Variants in GLB1L2 observed in about 807,000 individuals in gnomAD.
The protein encoded by GLB1L2 is galactosidase beta 1 like 2.
GLB1L2 carries 68 observed loss-of-function variants against 84.1 expected under a neutral mutation model. That is an observed-to-expected ratio of 0.81 (90% CI 0.67 to 0.99). The LOEUF (loss-of-function observed/expected upper bound fraction) is 0.99, where lower values mean the gene tolerates loss of function less well. Ranked by LOEUF, GLB1L2 falls within the 50% of genes least tolerant of loss-of-function variation. The probability of loss-of-function intolerance (pLI) is 0.00; values close to 1 mark genes in which losing one functional copy is unlikely to be tolerated. For synonymous variants in GLB1L2, 290 were observed against 318.0 expected (o/e 0.91, Z 0.94); for missense variants, 762 against 805.6 (o/e 0.95, Z 0.66).
intron 5 of GLB1L2, among the ~76,000 whole-genome samples, chr11:134,349,642 G>A (rs1258714790): frequency 1.3e-5 from 2 of 152,236 alleles, no homozygotes; most frequent in African/African-American, 2.4e-5. Flanking sequence ...ATCAGTGGGT[G>A]TGAAGTGGTA....
intron 4 of GLB1L2, 35 bp from the exon 5 acceptor site, chr11:134,347,290 C>G (rs1471426478): frequency 6.5e-7 from 1 of 1,530,412 alleles, no homozygotes; most frequent in Non-Finnish European, 9.1e-7. Flanking sequence ...CACTGTGACA[C>G]TAACATCCTT....
Position 134,368,657 on chromosome 11 carries a change from C to G in GLB1L2, c.903C>G (p.Thr301=), listed in dbSNP as rs760215327. 6.2e-7 allele frequency: 1 copy of G among 1,613,764 alleles called. No homozygotes were observed. The highest frequency in any genetic ancestry group is 1.7e-5 in the Admixed American group (1 of 60,018). The change falls in exon 10 of 19, where the codon ACC becomes ACG. Residue 301 remains threonine, a synonymous_variant. Coordinates refer to ENST00000535456, the MANE Select transcript of GLB1L2 (RefSeq NM_001370461.1). ...CTCCTCCGGCAGAGGTTTTGAAAAC[C>G]GTGTCTGCCATTGTGGACGCCGGCT... ...NILDSSEVLK[T]VSAIVDAGSS...
chr11:134,351,953 C>T (rs10791356), intron 5 of GLB1L2, among the ~76,000 whole-genome samples: 1 of 151,902 alleles, frequency 6.6e-6, no homozygotes, highest in African/African-American at 2.4e-5. Context: ...TGTATTCTAC[C>T]TTATAGAATA....
At chr11:134,355,912 C>G (rs1565438268) in intron 5 of GLB1L2, 1 of 429,960 alleles carries the variant, frequency 2.3e-6, no homozygotes, top group Non-Finnish European at 4.6e-6. Context: ...TGCTTCTTCC[C>G]CATGAGGGAG....
intron 5 of GLB1L2, among the ~76,000 whole-genome samples, chr11:134,351,332 ATTCT>A (rs932155421): frequency 6.4e-5 from 9 of 141,358 alleles, no homozygotes; most frequent in Non-Finnish European, 1.4e-4. Flanking sequence ...ACATTGATTG[ATTCT>A]TTTTCTTTCT....
At chr11:134,351,302 T>C (rs1267839111) in intron 5 of GLB1L2, among the ~76,000 whole-genome samples, 1 of 152,172 alleles carries the variant, frequency 6.6e-6, no homozygotes, top group African/African-American at 2.4e-5. Flanking sequence ...TTCCTCTTAA[T>C]TTTGTTAATG....
intron 7 of GLB1L2, among the ~76,000 whole-genome samples, chr11:134,362,638 C>T (rs1359589619): frequency 1.3e-5 from 2 of 152,220 alleles, no homozygotes; most frequent in South Asian, 2.1e-4. Context: ...GCCAGGCCGG[C>T]GGTGGACAGG....
chr11:134,346,131 G>C (rs1943549462), intron 4 of GLB1L2, among the ~76,000 whole-genome samples: 1 of 152,166 alleles, frequency 6.6e-6, no homozygotes, highest in African/African-American at 2.4e-5. Flanking sequence ...GGTCCCTGGG[G>C]AGCCCTGGGC....
chr11:134,357,647 G>A (rs141390122), intron 6 of GLB1L2, among the ~76,000 whole-genome samples: 3 of 152,346 alleles, frequency 2.0e-5, no homozygotes, highest in Non-Finnish European at 4.4e-5. Context: ...CCTCAGGGAC[G>A]TCCTGCTCCA....
At position 134,368,657 on chromosome 11, in the gene GLB1L2, C is replaced by A. The variant is rs760215327; in HGVS notation, c.903C>A (p.Thr301=). 6.2e-7 allele frequency: 1 copy of A among 1,613,764 alleles called. No individual in the cohort carries two copies. Among genetic ancestry groups the A allele is most frequent in the South Asian group, 1.1e-5 (1 of 91,086 alleles). Reference sequence around the variant, plus strand: ...CTCCTCCGGCAGAGGTTTTGAAAACCGTGTCTGCCATTGTGGACGCCGGCT... The same window carrying A: ...CTCCTCCGGCAGAGGTTTTGAAAACAGTGTCTGCCATTGTGGACGCCGGCT... ...NILDSSEVLK[T]VSAIVDAGSS... Residue 301 remains threonine, a synonymous_variant, in exon 10 of 19, where the codon ACC becomes ACA. Transcript: ENST00000535456.
Position 134,367,420 on chromosome 11 carries a change from T to C in GLB1L2, c.889+79T>C, listed in dbSNP as rs968795027. Reference sequence around the variant, plus strand: ...TGAGTTTCAGTCACCTGCTAACTAATGTAAGCCATAGGGGGTGCAAGGCTG... The same window carrying C: ...TGAGTTTCAGTCACCTGCTAACTAACGTAAGCCATAGGGGGTGCAAGGCTG... On this transcript the variant is annotated intron_variant, in intron 9 of 18. Coordinates refer to ENST00000535456, the MANE Select transcript of GLB1L2 (RefSeq NM_001370461.1). 3.3e-6 allele frequency: 4 copies of C among 1,229,866 alleles called. No homozygotes were observed. The African/African-American group carries it at 4.4e-5, about 14-fold the overall frequency. 76.2% of individuals were successfully genotyped at this position (1,229,866 alleles called of 1,614,324 possible).
At chr11:134,357,774 T>C (rs940724129) in intron 6 of GLB1L2, among the ~76,000 whole-genome samples, 11 of 152,202 alleles carry the variant, frequency 7.2e-5, no homozygotes, top group African/African-American at 2.7e-4. Context: ...CACCAGCCTC[T>C]CTCTGAGGCT....
intron 5 of GLB1L2, among the ~76,000 whole-genome samples, chr11:134,351,784 A>C (rs1389381139): frequency 1.3e-5 from 2 of 152,212 alleles, no homozygotes; most frequent in Non-Finnish European, 1.5e-5. Context: ...ATCAGTATTC[A>C]TCAGGACTGT....
At position 134,367,328 on chromosome 11, in the gene GLB1L2, C is replaced by A. The variant is rs1943879354; in HGVS notation, c.876C>A (p.Ile292=). Residue 292 remains isoleucine, a synonymous_variant, in exon 9 of 19, where the codon ATC becomes ATA. Transcript: ENST00000535456. ...ACTCGTGGGGAGGCCCTCACAATATCTTGGATTCTTCTGGTGAGTGCTTGC... is the reference window on the plus strand; with the variant it reads ...ACTCGTGGGGAGGCCCTCACAATATATTGGATTCTTCTGGTGAGTGCTTGC... The part of the protein sequence containing the change: ...WFDSWGGPHN[I]LDSSEVLKTV... 1.9e-6 allele frequency: 3 copies of A among 1,613,892 alleles called. No individual in the cohort carries two copies. Among genetic ancestry groups the A allele is most frequent in the Non-Finnish European group, 2.5e-6 (3 of 1,179,812 alleles).
chr11:134,369,908 A>G, intron 11 of GLB1L2, 23 bp downstream of exon 11: 2 of 1,602,414 alleles, frequency 1.2e-6, no homozygotes, highest in Non-Finnish European at 1.7e-6. Context: ...CAGCAGACTC[A>G]AGTTCCAACT....
chr11:134,338,931 G>T lies in GLB1L2; in HGVS notation c.87-3823G>T, dbSNP rs1943426840. 6.6e-6 allele frequency among the ~76,000 whole-genome samples: 1 copy of T among 152,142 alleles called. No individual in the cohort carries two copies. The highest frequency in any genetic ancestry group is 1.5e-5 in the Non-Finnish European group (1 of 68,026). On this transcript the variant is annotated intron_variant, in intron 1 of 18. Coordinates refer to ENST00000535456, the MANE Select transcript of GLB1L2 (RefSeq NM_001370461.1). This position sits in a 1 kb window ranked among gnomAD's most constrained non-coding sequence, Gnocchi z 6.2. ...CTGACTCTGAGCAGAGCAGACCTGG[G>T]CACTGAGCACTGAGTTCAGGGTTTG...
intron 6 of GLB1L2, among the ~76,000 whole-genome samples, chr11:134,356,958 G>T (rs1038601641): frequency 4.6e-5 from 7 of 150,738 alleles, no homozygotes; most frequent in African/African-American, 1.7e-4. Flanking sequence ...CAAATGCCTC[G>T]AGTTTTTTCT....
chr11:134,358,929 T>G, intron 6 of GLB1L2, 131 bp from the exon 7 acceptor site: 1 of 629,226 alleles, frequency 1.6e-6, no homozygotes, highest in Non-Finnish European at 2.7e-6. Context: ...TTTCTGTTTT[T>G]GGCAGAGAAA....
intron 6 of GLB1L2, among the ~76,000 whole-genome samples, chr11:134,358,850 CCTGCT>C (rs772182915): frequency 3.9e-5 from 6 of 152,260 alleles, no homozygotes; most frequent in Non-Finnish European, 5.9e-5. Flanking sequence ...CAGCCCTGCC[CCTGCT>C]GTGATGGGAA....
Sources: gnomAD v4.1 joint callset for allele counts (sites outside exome capture counted in the v4.1 genomes callset) on GRCh38, gnomAD v4.1.1 for gene constraint, Gnocchi (gnomAD v3.1) non-coding constraint, MANE v1.5 for transcripts, NCBI Gene and HGNC (gene_info 2026-07-23, HGNC 2026-07-21) for gene names.